ZNF765: variants seen among roughly 807,000 people sequenced by gnomAD.
ZNF765 encodes zinc finger protein 765.
Under a neutral mutation model 44.7 loss-of-function variants are expected in ZNF765, and 37 were observed. The observed-to-expected ratio is 0.83, with a 90% CI of 0.64 to 1.09. The LOEUF is 1.09. Among genes scored for constraint, ZNF765 ranks in the 50% least tolerant of loss-of-function variants. The pLI is 0.00. For synonymous variants in ZNF765, 201 were observed against 213.7 expected (o/e 0.94, Z 0.52); for missense variants, 594 against 626.1 (o/e 0.95, Z 0.55).
In ZNF765 at chr19:53,409,384, GAAGA is replaced by G; in HGVS notation, c.*259_*262del. The stretch of plus-strand genomic sequence containing the variant: ...GAGACCTTACAAATGTGAAGAATGT[GAAGA>G]AGCTTTCTGTTTCAAATCCAACCTT... On this transcript the variant is annotated 3_prime_UTR_variant, in exon 4 of 4. Transcript: ENST00000396408. 1 of 840,928 alleles carries G rather than the reference GAAGA, an allele frequency of 1.2e-6. No individual in the cohort carries two copies. Among genetic ancestry groups the G allele is most frequent in the South Asian group, 1.4e-5 (1 of 73,920 alleles). The allele number at this position is 840,928 out of a possible 1,614,324, so 52.1% of individuals were successfully genotyped here. A position where few individuals can be genotyped will look rare whatever the true frequency, so the allele number is the denominator to read the frequency against.
chr19:53,404,484 G>T (rs544536369), intron 3 of ZNF765, among the ~76,000 whole-genome samples: 2 of 151,070 alleles, frequency 1.3e-5, no homozygotes, highest in Non-Finnish European at 2.9e-5. Flanking sequence ...ACGGAGTCTC[G>T]GTCTGTCACC....
exon 4 of ZNF765, chr19:53,423,665 C>G: frequency 4.3e-6 from 1 of 230,860 alleles, no homozygotes; most frequent in Admixed American, 5.3e-5. Flanking sequence ...TCCTGTGTAT[C>G]CAAGCTTTGC....
At chr19:53,395,403 A>G (rs1465093813) in intron 1 of ZNF765, among the ~76,000 whole-genome samples, 2 of 152,154 alleles carry the variant, frequency 1.3e-5, no homozygotes, top group Non-Finnish European at 2.9e-5. Context: ...TGTTTCTGCT[A>G]TAGGGCAATG....
intron 3 of ZNF765, among the ~76,000 whole-genome samples, chr19:53,405,720 A>C (rs966999171): frequency 6.7e-6 from 1 of 150,138 alleles, no homozygotes; most frequent in Non-Finnish European, 1.5e-5. Flanking sequence ...GAGAATAAGA[A>C]CTCTGAACAT....
exon 4 of ZNF765, chr19:53,426,208 G>C (rs561222776): frequency 6.5e-6 from 1 of 153,218 alleles, no homozygotes; most frequent in Non-Finnish European, 1.5e-5. Flanking sequence ...CAGAGGCCCC[G>C]GAGCTGGGTG....
chr19:53,416,757 G>A (rs2085877387), downstream of ZNF765, among the ~76,000 whole-genome samples: 1 of 150,162 alleles, frequency 6.7e-6, no homozygotes, highest in Non-Finnish European at 1.5e-5. Flanking sequence ...TAAACTCTAC[G>A]TTTCTATGAA....
Position 53,410,588 on chromosome 19 carries a change from A to G in ZNF765, c.*1461A>G. On this transcript the variant is annotated 3_prime_UTR_variant, in exon 4 of 4. Transcript: ENST00000396408. ...GCAATCCATGGTGTAGGGAAACTTT[A>G]CTTATGTAATGATTGTCACAAAGTC... 1.1e-5 allele frequency: 5 copies of G among 450,624 alleles called. No individual in the cohort carries two copies. Among genetic ancestry groups the G allele is most frequent in the South Asian group, 9.1e-5 (5 of 54,836 alleles). The allele number at this position is 450,624 out of a possible 1,614,324, so 27.9% of individuals were successfully genotyped here. A position where few individuals can be genotyped will look rare whatever the true frequency, so the allele number is the denominator to read the frequency against.
rs2085815852 is a variant in ZNF765, at chr19:53,409,746, C to G, written c.*619C>G. ...ACCTTTAGTCAGAACTCATACCTTA[C>G]ATGCCATCATAGACTTCATACTGGA... On this transcript the variant is annotated 3_prime_UTR_variant, in exon 4 of 4. Transcript: ENST00000396408. 5 of 888,744 alleles carry G rather than the reference C, an allele frequency of 5.6e-6. No individual in the cohort carries two copies. The highest frequency in any genetic ancestry group is 7.5e-6 in the Non-Finnish European group (4 of 535,748). The allele number at this position is 888,744 out of a possible 1,614,324, so 55.1% of individuals were successfully genotyped here. A position where few individuals can be genotyped will look rare whatever the true frequency, so the allele number is the denominator to read the frequency against.
intron 2 of ZNF765, among the ~76,000 whole-genome samples, chr19:53,398,301 G>A (rs2085690544): frequency 6.6e-6 from 1 of 152,204 alleles, no homozygotes; most frequent in Non-Finnish European, 1.5e-5. Context: ...CATGGTGTCA[G>A]TGCTGTTGGG....
At chr19:53,419,403 G>A (rs1471067968) in intron 3 of ZNF765, among the ~76,000 whole-genome samples, 2 of 152,152 alleles carry the variant, frequency 1.3e-5, no homozygotes, top group African/African-American at 4.8e-5. Flanking sequence ...GCTAAATGGA[G>A]AGTCATTGTT....
At chr19:53,400,379 C>T (rs1006071477) in intron 2 of ZNF765, among the ~76,000 whole-genome samples, 12 of 152,030 alleles carry the variant, frequency 7.9e-5, no homozygotes, top group South Asian at 4.1e-4. Flanking sequence ...TGTGCACACC[C>T]GCGTTACTAC....
At chr19:53,417,392 T>C (rs1439506325) in intron 3 of ZNF765, among the ~76,000 whole-genome samples, 3 of 152,202 alleles carry the variant, frequency 2.0e-5, no homozygotes, top group Non-Finnish European at 4.4e-5. Flanking sequence ...TGGGTTTGTG[T>C]TCCTGTGTTA....
chr19:53,408,141 T>A lies in ZNF765; in HGVS notation c.586T>A (p.Phe196Ile), dbSNP rs779680905. The A allele has an allele frequency of 6.2e-7, 1 of 1,614,090 alleles. No individual in the cohort carries two copies. The highest frequency in any genetic ancestry group is 2.2e-5 in the East Asian group (1 of 44,876). ...TATTTCTAATGACTATGGGAATAAT[T>A]TCCTGAATTCTTCATTATTCACACA... ...THISNDYGNNFLNSSLFTQKQ... is the reference protein window; with the variant it reads ...THISNDYGNNILNSSLFTQKQ... Residue 196 changes from phenylalanine to isoleucine, a missense_variant, in exon 4 of 4, where the codon TTC (phenylalanine) becomes ATC (isoleucine). By Grantham distance (21) the Phe-to-Ile change is conservative (BLOSUM62 0). This residue lies in a region of ZNF765 where 567 missense variants were observed against 572.6 expected (regional missense o/e 0.99). Coordinates refer to ENST00000396408, the MANE Select transcript of ZNF765 (RefSeq NM_001040185.3).
rs776639631 is a variant in ZNF765 at position 53,407,840 on chromosome 19, T to C, written c.285T>C (p.His95=). Residue 95 remains histidine, a synonymous_variant, in exon 4 of 4, where the codon CAT becomes CAC. Transcript: ENST00000396408. The part of the protein sequence containing the change: ...FCFQDIDKDI[H]DIEFQWQEDE... ...TCCAGGATATTGATAAAGATATTCA[T>C]GACATTGAGTTTCAGTGGCAAGAAG... is the stretch of plus-strand genomic sequence containing the variant. 7.4e-6 allele frequency: 12 copies of C among 1,613,334 alleles called. No homozygotes were observed. Among genetic ancestry groups the C allele is most frequent in the Non-Finnish European group, 1.0e-5 (12 of 1,179,850 alleles).
chr19:53,409,165 A>AGAGTGGCT lies in ZNF765; in HGVS notation c.*38_*39insGAGTGGCT. On this transcript the variant is annotated 3_prime_UTR_variant, in exon 4 of 4. Transcript: ENST00000396408. The stretch of plus-strand genomic sequence containing the variant: ...GACCTTCAATCAGGAGTTAACCCTT[A>AGAGTGGCT]CATGCCATCGTAGGCTTCATAGTGG... 6.5e-7 allele frequency: 1 copy of AGAGTGGCT among 1,539,180 alleles called. No individual in the cohort carries two copies. Among genetic ancestry groups the AGAGTGGCT allele is most frequent in the East Asian group, 2.3e-5 (1 of 44,336 alleles).
intron 1 of ZNF765, among the ~76,000 whole-genome samples, chr19:53,396,839 A>C (rs1003633519): frequency 1.3e-5 from 2 of 152,216 alleles, no homozygotes; most frequent in African/African-American, 4.8e-5. Flanking sequence ...TTTTAATAGA[A>C]AGCACCACTA....
At chr19:53,400,763 C>CATATATATATATAT (rs35520888) in intron 2 of ZNF765, among the ~76,000 whole-genome samples, 1,899 of 116,558 alleles carry the variant, frequency 0.016, 43 homozygotes, top group African/African-American at 0.038. Flanking sequence ...TATTTGTTGA[C>CATATATATATATAT]ATATATATAT....
intron 3 of ZNF765, among the ~76,000 whole-genome samples, chr19:53,406,702 G>A (rs2085779280): frequency 6.6e-6 from 1 of 152,154 alleles, no homozygotes; most frequent in African/African-American, 2.4e-5. Context: ...ATCACTTGAG[G>A]TCATAAGTTC....
At position 53,407,754 on chromosome 19, in the gene ZNF765, G is replaced by A. The variant is rs1311490289; in HGVS notation, c.199G>A (p.Glu67Lys). 6.3e-7 allele frequency: 1 copy of A among 1,599,570 alleles called. No homozygotes were observed. The highest frequency in any genetic ancestry group is 1.3e-5 in the African/African-American group (1 of 74,434). ...EFSSTAQGNR[E>K]VFHAGTSQRH... ...CTCGTCAACAGCACAAGGCAATAGA[G>A]AAGTGTTCCATGCAGGGACATCTCA... Residue 67 changes from glutamate (E) to lysine (K), a missense_variant, in exon 4 of 4, where the codon GAA (glutamate) becomes AAA (lysine). Glu to Lys is a moderately conservative substitution (Grantham distance 56). Transcript: ENST00000396408.
Sources: allele counts gnomAD v4.1 joint callset (sites outside exome capture counted in the v4.1 genomes callset), GRCh38; gene constraint gnomAD v4.1.1; regional missense constraint gnomAD v4.1.1; transcripts MANE v1.5; gene names NCBI Gene and HGNC (gene_info 2026-07-23, HGNC 2026-07-21).